The following ATRNL1 variants were observed in gnomAD, a reference collection of about 807,000 sequenced individuals.
The protein encoded by ATRNL1 is attractin like 1.
In ATRNL1, 95 loss-of-function variants were observed where a neutral mutation model predicts 182.7. The ratio of observed to expected loss-of-function variants is 0.52; its 90% CI spans 0.44 to 0.62. The LOEUF is 0.62. Ranked by LOEUF, ATRNL1 falls within the 20% of genes least tolerant of loss-of-function variation. The pLI, the probability that ATRNL1 is intolerant of heterozygous loss-of-function variation, is 0.00. For synonymous variants in ATRNL1, 576 were observed against 568.3 expected (o/e 1.01, Z -0.19); for missense variants, 1,471 against 1,679.5 (o/e 0.88, Z 2.17).
chr10:115,741,968 A>G (rs781933973), intron 27 of ATRNL1, among the ~76,000 whole-genome samples: 3 of 152,240 alleles, frequency 2.0e-5, no homozygotes, highest in Non-Finnish European at 2.9e-5. Flanking sequence ...CTGCATGCCA[A>G]GAAGGATGGT....
chr10:115,360,934 C>T (rs1554944043), intron 19 of ATRNL1, among the ~76,000 whole-genome samples: 4 of 151,812 alleles, frequency 2.6e-5, no homozygotes, highest in Admixed American at 2.0e-4. Flanking sequence ...GCAGGAATAC[C>T]TCTGAAGTTA....
chr10:115,267,592 A>G (rs1326282837), intron 12 of ATRNL1, among the ~76,000 whole-genome samples: 1 of 152,094 alleles, frequency 6.6e-6, no homozygotes, highest in Non-Finnish European at 1.5e-5. Flanking sequence ...TTTTGCGGTT[A>G]CAATTAATAA....
intron 21 of ATRNL1, among the ~76,000 whole-genome samples, chr10:115,435,443 A>T (rs1263950125): frequency 6.6e-6 from 1 of 152,108 alleles, no homozygotes; most frequent in African/African-American, 2.4e-5. Flanking sequence ...CCCTCACCAG[A>T]TGCCAGCTGT....
intron 19 of ATRNL1, among the ~76,000 whole-genome samples, chr10:115,358,622 T>C (rs1192033698): frequency 6.6e-6 from 1 of 151,666 alleles, no homozygotes; most frequent in African/African-American, 2.4e-5. Context: ...AGTATACCTA[T>C]TTTAGTTATT....
chr10:115,595,946 C>G (rs1856211600), intron 26 of ATRNL1, among the ~76,000 whole-genome samples: 1 of 152,032 alleles, frequency 6.6e-6, no homozygotes, highest in African/African-American at 2.4e-5. Flanking sequence ...CATCTCAAGT[C>G]AAAAGATAAC....
chr10:115,707,283 A>G (rs1282243398), intron 26 of ATRNL1, among the ~76,000 whole-genome samples: 1 of 151,826 alleles, frequency 6.6e-6, no homozygotes, highest in Admixed American at 6.6e-5. Context: ...TTTCCCTCTT[A>G]CAGAAACTTT....
intron 27 of ATRNL1, among the ~76,000 whole-genome samples, chr10:115,795,356 A>G (rs1379278915): frequency 2.0e-5 from 3 of 152,142 alleles, no homozygotes; most frequent in Admixed American, 6.5e-5. Context: ...TAACTCCTTT[A>G]CCTAATTAGG....
chr10:115,908,880 T>C (rs1952582759), intron 28 of ATRNL1, among the ~76,000 whole-genome samples: 1 of 152,208 alleles, frequency 6.6e-6, no homozygotes, highest in South Asian at 2.1e-4. Flanking sequence ...GAATATATGA[T>C]TCACTACCTC....
At chr10:115,106,159 A>G (rs1844000969) in intron 1 of ATRNL1, among the ~76,000 whole-genome samples, 3 of 152,178 alleles carry the variant, frequency 2.0e-5, no homozygotes, top group South Asian at 2.1e-4. Flanking sequence ...CATGACCTAG[A>G]TGAGAGACCT....
At chr10:115,908,116 G>A (rs1952558239) in intron 28 of ATRNL1, among the ~76,000 whole-genome samples, 1 of 152,130 alleles carries the variant, frequency 6.6e-6, no homozygotes, top group African/African-American at 2.4e-5. Flanking sequence ...TAGATTCCGT[G>A]AACACATAAG....
chr10:115,766,600 G>T (rs1350049407), intron 27 of ATRNL1, among the ~76,000 whole-genome samples: 2 of 152,144 alleles, frequency 1.3e-5, no homozygotes, highest in African/African-American at 4.8e-5. Context: ...GAACTTTGCT[G>T]TAACAAATCC....
intron 19 of ATRNL1, among the ~76,000 whole-genome samples, chr10:115,338,592 G>A (rs1316514170): frequency 6.6e-6 from 1 of 151,948 alleles, no homozygotes; most frequent in Non-Finnish European, 1.5e-5. Context: ...TTTTTCTGTG[G>A]CATTGTTTCA....
chr10:115,581,493 T>C (rs962534396), intron 26 of ATRNL1, among the ~76,000 whole-genome samples: 1 of 152,160 alleles, frequency 6.6e-6, no homozygotes, highest in African/African-American at 2.4e-5. Context: ...TTATTGGAAG[T>C]GCACCCATTC....
chr10:115,700,804 A>T (rs1946710822), intron 26 of ATRNL1, among the ~76,000 whole-genome samples: 1 of 152,144 alleles, frequency 6.6e-6, no homozygotes, highest in Admixed American at 6.6e-5. Flanking sequence ...CAGAATTATA[A>T]AACAAGTCCT....
chr10:115,168,716 T>A (rs902156460), intron 7 of ATRNL1, among the ~76,000 whole-genome samples: 1 of 152,128 alleles, frequency 6.6e-6, no homozygotes, highest in Non-Finnish European at 1.5e-5. Flanking sequence ...CAAGCCATTA[T>A]CAGGTAAATA....
At chr10:115,391,609 A>C (rs596404) in intron 19 of ATRNL1, among the ~76,000 whole-genome samples, 57,586 of 150,738 alleles carry the variant, frequency 0.38, 12,090 homozygotes, top group African/African-American at 0.57. Flanking sequence ...GCTTTTCTAC[A>C]CTATTCAATG....
At chr10:115,268,008 A>G (rs189897684) in intron 12 of ATRNL1, among the ~76,000 whole-genome samples, 21 of 152,172 alleles carry the variant, frequency 1.4e-4, no homozygotes, top group Non-Finnish European at 1.8e-4. Flanking sequence ...TGATCCGTCT[A>G]CCTTGGCTTT....
chr10:115,894,040 T>G (rs1952145315), intron 28 of ATRNL1, among the ~76,000 whole-genome samples: 1 of 152,142 alleles, frequency 6.6e-6, no homozygotes, highest in African/African-American at 2.4e-5. Context: ...GATGGAAATT[T>G]CAGTAAGACT....
chr10:115,322,253 A>G (rs1592446701), intron 18 of ATRNL1, among the ~76,000 whole-genome samples: 1 of 151,918 alleles, frequency 6.6e-6, no homozygotes, highest in African/African-American at 2.4e-5. Flanking sequence ...TTATTACTTT[A>G]TATAATTTTA....
Sources: allele counts gnomAD v4.1 joint callset (sites outside exome capture counted in the v4.1 genomes callset), GRCh38; gene constraint gnomAD v4.1.1; transcripts MANE v1.5; gene names NCBI Gene and HGNC (gene_info 2026-07-23, HGNC 2026-07-21).